The following NT5C3A variants were observed in gnomAD, a reference collection of about 807,000 sequenced individuals.
The protein encoded by NT5C3A is cytosolic 5'-nucleotidase 3A.
A neutral mutation model predicts 40.0 loss-of-function variants in NT5C3A; 23 were observed. The observed-to-expected ratio is 0.58, with a 90% CI of 0.41 to 0.81. The LOEUF (loss-of-function observed/expected upper bound fraction) is 0.81, where lower values mean the gene tolerates loss of function less well. NT5C3A is among the 40% of genes least tolerant of loss of function. The pLI is 0.00. For synonymous variants in NT5C3A, 130 were observed against 141.4 expected (o/e 0.92, Z 0.57); for missense variants, 328 against 403.0 (o/e 0.81, Z 1.59).
intron 1 of NT5C3A, among the ~76,000 whole-genome samples, chr7:33,032,335 T>C (rs970150549): frequency 1.3e-5 from 2 of 148,742 alleles, no homozygotes; most frequent in Non-Finnish European, 3.0e-5. Flanking sequence ...GGCAAGAGAA[T>C]TGCTTGAACC....
At chr7:33,035,891 A>G in intron 1 of NT5C3A, 1 of 1,498,494 alleles carries the variant, frequency 6.7e-7, no homozygotes, top group Non-Finnish European at 9.3e-7. Flanking sequence ...AGTGGTGAAG[A>G]TTTACCATTA....
chr7:33,058,864 C>T (rs939332479), intron 1 of NT5C3A, among the ~76,000 whole-genome samples: 1 of 152,220 alleles, frequency 6.6e-6, no homozygotes, highest in Non-Finnish European at 1.5e-5. Flanking sequence ...AGCACAACTA[C>T]TTCCTCTGCC....
intron 1 of NT5C3A, among the ~76,000 whole-genome samples, chr7:33,028,063 T>C (rs1035463499): frequency 2.0e-5 from 3 of 152,274 alleles, no homozygotes; most frequent in South Asian, 2.1e-4. Flanking sequence ...TCAAGATCTT[T>C]GCTCTTTTTA....
Position 33,056,227 on chromosome 7 carries a change from C to T in NT5C3A, c.138+6341G>A, listed in dbSNP as rs185545212. 4.9e-3 allele frequency among the ~76,000 whole-genome samples: 742 copies of T among 151,710 alleles called. 6 individuals are homozygous for T. Among genetic ancestry groups the T allele is most frequent in the South Asian group, 0.023 (110 of 4,796 alleles). ...AATTATGAGAAATCATCAGGAAATGCCAAAGGAATTCAGAGAAAATGTTTT... is the reference window on the plus strand; with the variant it reads ...AATTATGAGAAATCATCAGGAAATGTCAAAGGAATTCAGAGAAAATGTTTT... On this transcript the variant is annotated intron_variant, in intron 1 of 8. Coordinates refer to ENST00000610140, the MANE Select transcript of NT5C3A (RefSeq NM_001002010.5).
Position 33,029,657 on chromosome 7 carries a change from G to T in NT5C3A, c.139-2742C>A. The T allele has an allele frequency of 2.3e-6, 3 of 1,289,966 alleles. No individual in the cohort carries two copies. In the South Asian group the frequency reaches 3.7e-5, roughly 16 times the overall value. The allele number at this position is 1,289,966 out of a possible 1,614,324, so 79.9% of individuals were successfully genotyped here. A position where few individuals can be genotyped will look rare whatever the true frequency, so the allele number is the denominator to read the frequency against. The stretch of plus-strand genomic sequence containing the variant: ...AGGCAAATCACAGCTTCAAGTTTTT[G>T]ATAACGGATAGGAGAATCACACCAA... On this transcript the variant is annotated intron_variant, in intron 1 of 8. Coordinates refer to ENST00000610140, the MANE Select transcript of NT5C3A (RefSeq NM_001002010.5).
chr7:33,031,563 G>A, intron 1 of NT5C3A, among the ~76,000 whole-genome samples: 1 of 151,506 alleles, frequency 6.6e-6, no homozygotes, highest in East Asian at 1.9e-4. Context: ...CTCCAGCCTG[G>A]GTGACACAGT....
At chr7:33,019,837 T>C (rs1285339794) in intron 5 of NT5C3A, 113 bp from the exon 6 acceptor site, 1 of 707,724 alleles carries the variant, frequency 1.4e-6, no homozygotes, top group Non-Finnish European at 2.5e-6. Flanking sequence ...TATTTGGATT[T>C]AAATTTTAGA....
chr7:33,055,908 T>G (rs57003697), intron 1 of NT5C3A, among the ~76,000 whole-genome samples: 7,358 of 152,168 alleles, frequency 0.048, 398 homozygotes, highest in African/African-American at 0.12. Flanking sequence ...CCCAGGATTT[T>G]GAGACCAGCC....
chr7:33,038,859 T>C, intron 1 of NT5C3A: 1 of 456,370 alleles, frequency 2.2e-6, no homozygotes, highest in Non-Finnish European at 4.4e-6. Flanking sequence ...AAGAGAAGAG[T>C]TGCTGGAAAA....
intron 1 of NT5C3A, among the ~76,000 whole-genome samples, chr7:33,055,717 C>G (rs1787542986): frequency 6.6e-6 from 1 of 152,214 alleles, no homozygotes; most frequent in Admixed American, 6.5e-5. Flanking sequence ...AAGCAACTGC[C>G]TGTTTTTTGG....
intron 1 of NT5C3A, chr7:33,041,207 CTGGTTTGTCAG>C (rs550966450): frequency 3.5e-5 from 32 of 903,736 alleles, no homozygotes; most frequent in East Asian, 2.4e-4. Flanking sequence ...TCCTTTCCAC[CTGGTTTGTCAG>C]TGGTTTGTCA....
chr7:33,048,729 G>C (rs1490533690), intron 1 of NT5C3A, among the ~76,000 whole-genome samples: 1 of 152,096 alleles, frequency 6.6e-6, no homozygotes, highest in Admixed American at 6.6e-5. Context: ...CAGGGGATCA[G>C]GCCCTGTTTT....
At chr7:33,030,694 A>C (rs917899791) in intron 1 of NT5C3A, among the ~76,000 whole-genome samples, 2 of 152,188 alleles carry the variant, frequency 1.3e-5, no homozygotes, top group Non-Finnish European at 2.9e-5. Flanking sequence ...ACCAATACTT[A>C]ATATATTTAT....
At chr7:33,026,648 T>C (rs1453550853) in intron 2 of NT5C3A, among the ~76,000 whole-genome samples, 169 bp downstream of exon 2, 1 of 151,128 alleles carries the variant, frequency 6.6e-6, no homozygotes, top group Non-Finnish European at 1.5e-5. Flanking sequence ...TGAGCCACTA[T>C]GCCCGGCCAT....
At chr7:33,048,540 G>A (rs1383840964) in intron 1 of NT5C3A, among the ~76,000 whole-genome samples, 1 of 152,160 alleles carries the variant, frequency 6.6e-6, no homozygotes, top group Non-Finnish European at 1.5e-5. Flanking sequence ...AAGTGTACTA[G>A]AGGGGATTCA....
chr7:33,021,190 G>T (rs1785606153), intron 5 of NT5C3A, 82 bp downstream of exon 5: 6 of 1,576,150 alleles, frequency 3.8e-6, no homozygotes, highest in Middle Eastern at 1.7e-4. Context: ...TGCAATACAG[G>T]TAAAAAATAA....
rs569603913 is a variant in NT5C3A, at chr7:33,014,646, T to C, written c.*84A>G. 9.2e-5 allele frequency: 145 copies of C among 1,569,800 alleles called. 2 individuals are homozygous for C. In the Admixed American group the frequency reaches 2.5e-3, roughly 27 times the overall value. ...GGAACACTTCGAGAGTAAGGATATA[T>C]TATAAATAAGTCTCTCAGCAAGATG... On this transcript the variant is annotated 3_prime_UTR_variant, in exon 9 of 9. Coordinates refer to ENST00000610140, the MANE Select transcript of NT5C3A (RefSeq NM_001002010.5).
Position 33,062,722 on chromosome 7 carries a change from C to A in NT5C3A, c.-17G>T, listed in dbSNP as rs1371197577. 1.9e-6 allele frequency: 3 copies of A among 1,553,790 alleles called. No homozygotes were observed. The highest frequency in any genetic ancestry group is 2.7e-5 in the African/African-American group (2 of 72,938). On this transcript the variant is annotated 5_prime_UTR_variant, in exon 1 of 9. Transcript: ENST00000610140. ...GCGGTCCATGGACGGGGCCCTCATG[C>A]GCGTCCAAGCAGGAAAAAAACAGGC...
At chr7:33,021,789 C>G in intron 4 of NT5C3A, 3 of 473,496 alleles carry the variant, frequency 6.3e-6, no homozygotes. Flanking sequence ...GTTAACGTTA[C>G]AACACCAGAA....
Sources: gnomAD v4.1 joint callset for allele counts (sites outside exome capture counted in the v4.1 genomes callset) on GRCh38, gnomAD v4.1.1 for gene constraint, MANE v1.5 for transcripts, NCBI Gene and HGNC (gene_info 2026-07-23, HGNC 2026-07-21) for gene names.